The following PPP1R12A variants were observed in gnomAD, a reference collection of about 807,000 sequenced individuals.
PPP1R12A encodes myosin binding subunit.
In PPP1R12A, 19 loss-of-function variants were observed where a neutral mutation model predicts 139.6. That is an observed-to-expected ratio of 0.14 (90% confidence interval 0.09 to 0.20). The LOEUF (loss-of-function observed/expected upper bound fraction) is 0.20, where lower values mean the gene tolerates loss of function less well. Ranked by LOEUF, PPP1R12A falls within the 10% of genes least tolerant of loss-of-function variation. The pLI is 1.00. For missense variants in PPP1R12A, 925 were observed against 1,211.5 expected (o/e 0.76, Z 3.51); for synonymous variants, 427 against 420.6 (o/e 1.02, Z -0.19).
intron 1 of PPP1R12A, among the ~76,000 whole-genome samples, chr12:79,915,988 C>T (rs1365251714): frequency 7.4e-6 from 1 of 135,098 alleles, no homozygotes; most frequent in African/African-American, 3.2e-5. Flanking sequence ...TGTTTCTAAA[C>T]CTTGACCAAA....
At chr12:79,857,949 G>A (rs1369102930) in intron 2 of PPP1R12A, among the ~76,000 whole-genome samples, 9 of 152,028 alleles carry the variant, frequency 5.9e-5, no homozygotes, top group African/African-American at 2.2e-4. Context: ...AATGTATATG[G>A]GAACGTCTAC....
intron 22 of PPP1R12A, among the ~76,000 whole-genome samples, chr12:79,785,349 G>A (rs1473307876): frequency 2.0e-5 from 3 of 152,126 alleles, no homozygotes; most frequent in African/African-American, 7.2e-5. Context: ...ACAGACAATC[G>A]CTTTACAACA....
At chr12:79,892,816 C>A (rs1037412486) in intron 1 of PPP1R12A, among the ~76,000 whole-genome samples, 1 of 152,034 alleles carries the variant, frequency 6.6e-6, no homozygotes, top group Non-Finnish European at 1.5e-5. Context: ...AATAAATGCT[C>A]TTTGAGGTCA....
intron 3 of PPP1R12A, among the ~76,000 whole-genome samples, chr12:79,834,641 C>T (rs1010978215): frequency 1.3e-5 from 2 of 152,196 alleles, no homozygotes; most frequent in African/African-American, 2.4e-5. Flanking sequence ...GCTTCAATTT[C>T]GGAAATGTGA....
chr12:79,854,490 A>G (rs1039835131), intron 2 of PPP1R12A, among the ~76,000 whole-genome samples: 6 of 152,078 alleles, frequency 3.9e-5, no homozygotes, highest in Non-Finnish European at 7.4e-5. Flanking sequence ...AGATCCCTTA[A>G]TAAGTTTAAT....
chr12:79,827,759 G>C (rs758061667), intron 5 of PPP1R12A, among the ~76,000 whole-genome samples: 4 of 151,978 alleles, frequency 2.6e-5, no homozygotes, highest in Non-Finnish European at 4.4e-5. Flanking sequence ...TCACTCAACT[G>C]AACTATTTTC....
intron 1 of PPP1R12A, among the ~76,000 whole-genome samples, chr12:79,887,118 T>C (rs1455749194): frequency 6.6e-6 from 1 of 152,176 alleles, no homozygotes; most frequent in Admixed American, 6.5e-5. Context: ...CTAGAGGGCA[T>C]ATTTTCCTGT....
At chr12:79,871,949 A>T (rs1882619322) in intron 2 of PPP1R12A, among the ~76,000 whole-genome samples, 1 of 152,218 alleles carries the variant, frequency 6.6e-6, no homozygotes, top group African/African-American at 2.4e-5. Context: ...TGGCAGAGTC[A>T]GTAATAAAAT....
At chr12:79,921,444 T>C (rs1270159758) in intron 1 of PPP1R12A, among the ~76,000 whole-genome samples, 2 of 152,172 alleles carry the variant, frequency 1.3e-5, no homozygotes, top group Admixed American at 1.3e-4. Flanking sequence ...GACAAACCAG[T>C]AGTGAATAGG....
At chr12:79,824,843 G>C (rs528992295) in intron 5 of PPP1R12A, 3 of 152,136 alleles carry the variant, frequency 2.0e-5, no homozygotes, top group Middle Eastern at 3.4e-3. Flanking sequence ...ACTTTATCAA[G>C]AGAACTATCT....
chr12:79,815,259 G>A (rs2137091702), intron 9 of PPP1R12A, among the ~76,000 whole-genome samples: 1 of 152,324 alleles, frequency 6.6e-6, no homozygotes, highest in South Asian at 2.1e-4. Flanking sequence ...GAGAGCCAGT[G>A]CTGGGTGCAG....
chr12:79,797,344 G>A lies in PPP1R12A; in HGVS notation c.2143C>T (p.Arg715Cys), dbSNP rs779254103. 1.2e-6 allele frequency: 2 copies of A among 1,602,448 alleles called. No homozygotes were observed. The highest frequency in any genetic ancestry group is 1.7e-6 in the Non-Finnish European group (2 of 1,174,444). The change falls in exon 16 of 25, where the codon CGT (arginine) becomes TGT (cysteine). Residue 715 changes from arginine (R) to cysteine (C), a missense_variant. This residue lies in a region of PPP1R12A where 315 missense variants were observed against 363.4 expected (regional missense o/e 0.87). Coordinates refer to ENST00000450142, the MANE Select transcript of PPP1R12A (RefSeq NM_002480.3). Reference sequence around the variant, plus strand: ...TCTTGTTCTCTGGTTCGGGTAGAACGACTTCTTCCTATTGTTTTCTCAGCT... The same window carrying A: ...TCTTGTTCTCTGGTTCGGGTAGAACAACTTCTTCCTATTGTTTTCTCAGCT... ...QEAEKTIGRS[R>C]STRTREQENE...
At chr12:79,905,829 C>G (rs1210845551) in intron 1 of PPP1R12A, among the ~76,000 whole-genome samples, 1 of 152,140 alleles carries the variant, frequency 6.6e-6, no homozygotes, top group African/African-American at 2.4e-5. Flanking sequence ...ATGTGGAAAA[C>G]TGTCCATAGC....
chr12:79,825,385 AT>A (rs1373586647), intron 5 of PPP1R12A: 1 of 152,174 alleles, frequency 6.6e-6, no homozygotes, highest in African/African-American at 2.4e-5. Flanking sequence ...TATTAGATAC[AT>A]TCTAGTAAAG....
At chr12:79,777,550 ACC>A in intron 24 of PPP1R12A, 1 of 985,208 alleles carries the variant, frequency 1.0e-6, no homozygotes, top group Non-Finnish European at 1.2e-6. Flanking sequence ...TGCCTATAGA[ACC>A]CTGAGCGCTT....
chr12:79,916,870 C>A (rs1054432275), intron 1 of PPP1R12A, among the ~76,000 whole-genome samples: 9 of 151,920 alleles, frequency 5.9e-5, no homozygotes, highest in Non-Finnish European at 1.0e-4. Flanking sequence ...CTGGGAATAG[C>A]CATTTAGGCA....
At chr12:79,849,827 T>C (rs943992250) in intron 2 of PPP1R12A, among the ~76,000 whole-genome samples, 3 of 152,144 alleles carry the variant, frequency 2.0e-5, no homozygotes, top group Admixed American at 2.0e-4. Context: ...AATTCTTTTT[T>C]ATCTTTATTT....
intron 1 of PPP1R12A, among the ~76,000 whole-genome samples, chr12:79,885,759 T>C (rs1048484552): frequency 6.6e-6 from 1 of 152,202 alleles, no homozygotes; most frequent in African/African-American, 2.4e-5. Flanking sequence ...GCCTAATCAT[T>C]AGGAACAGCT....
chr12:79,903,928 A>T (rs1405128225), intron 1 of PPP1R12A, among the ~76,000 whole-genome samples: 1 of 152,158 alleles, frequency 6.6e-6, no homozygotes, highest in African/African-American at 2.4e-5. Context: ...CTTCCTTGAA[A>T]ATCTGCCTGT....
Sources: allele counts gnomAD v4.1 joint callset (sites outside exome capture counted in the v4.1 genomes callset), GRCh38; gene constraint gnomAD v4.1.1; regional missense constraint gnomAD v4.1.1; transcripts MANE v1.5; gene names NCBI Gene and HGNC (gene_info 2026-07-23, HGNC 2026-07-21).